LY96: variants seen among roughly 807,000 people sequenced by gnomAD.
The protein encoded by LY96 is myeloid differentiation protein-2.
Under a neutral mutation model 18.9 loss-of-function variants are expected in LY96, and 18 were observed. The ratio of observed to expected loss-of-function variants is 0.95; its 90% CI spans 0.66 to 1.41. The LOEUF is 1.41. Among genes scored for constraint, LY96 ranks in the 40% most tolerant of loss-of-function variants. LY96 has a pLI of 0.00. For synonymous variants in LY96, 66 were observed against 62.6 expected (o/e 1.06, Z -0.26); for missense variants, 175 against 182.4 (o/e 0.96, Z 0.23).
At chr8:74,091,890 A>G in the LY96 span, among the ~76,000 whole-genome samples, 2 of 151,914 alleles carry the variant, frequency 1.3e-5, no homozygotes, top group Non-Finnish European at 2.9e-5. Flanking sequence ...TCCACTTACT[A>G]TTTGTTGATT....
At chr8:74,019,428 A>G (rs1163857890) in intron 3 of LY96, among the ~76,000 whole-genome samples, 1 of 152,210 alleles carries the variant, frequency 6.6e-6, no homozygotes, top group Admixed American at 6.5e-5. Flanking sequence ...GCAATAATTA[A>G]TAGCCTACCA....
chr8:74,082,606 G>A, the LY96 span, among the ~76,000 whole-genome samples: 1 of 152,152 alleles, frequency 6.6e-6, no homozygotes, highest in African/African-American at 2.4e-5. Flanking sequence ...GTTCATAGCT[G>A]AGGCTCCTAT....
At chr8:73,996,522 A>G (rs778251929) in intron 1 of LY96, among the ~76,000 whole-genome samples, 4 of 150,806 alleles carry the variant, frequency 2.7e-5, no homozygotes, top group African/African-American at 4.9e-5. Flanking sequence ...GGTTCAAGCG[A>G]TTTTCGTGCC....
At chr8:74,082,421 C>G in the LY96 span, among the ~76,000 whole-genome samples, 1 of 152,236 alleles carries the variant, frequency 6.6e-6, no homozygotes, top group Non-Finnish European at 1.5e-5. Flanking sequence ...GCTTCCAACT[C>G]ATGGAGCCCT....
At chr8:74,058,892 A>G in the LY96 span, among the ~76,000 whole-genome samples, 1 of 152,146 alleles carries the variant, frequency 6.6e-6, no homozygotes, top group Admixed American at 6.6e-5. Context: ...TGCTGTCTGC[A>G]AGCTGGAGAC....
At chr8:73,997,260 A>G (rs1408471186) in intron 1 of LY96, among the ~76,000 whole-genome samples, 1 of 152,108 alleles carries the variant, frequency 6.6e-6, no homozygotes, top group Non-Finnish European at 1.5e-5. Flanking sequence ...CACCTATTAC[A>G]TTATTGTATT....
the LY96 span, among the ~76,000 whole-genome samples, chr8:74,095,160 G>A: frequency 2.1e-3 from 323 of 152,292 alleles, 7 homozygotes; most frequent in South Asian, 0.042. Flanking sequence ...AATGAACTGG[G>A]TCCAGGTTTC....
At chr8:74,020,817 G>C (rs1419545752) in intron 3 of LY96, among the ~76,000 whole-genome samples, 1 of 152,166 alleles carries the variant, frequency 6.6e-6, no homozygotes, top group African/African-American at 2.4e-5. Context: ...CAAGCAATGG[G>C]GAAAGGATTC....
chr8:74,097,705 CAAAT>C, the LY96 span, among the ~76,000 whole-genome samples: 7,538 of 151,224 alleles, frequency 0.05, 316 homozygotes, highest in African/African-American at 0.12. Context: ...GACTCTGTCT[CAAAT>C]AAATAAATAA....
the LY96 span, among the ~76,000 whole-genome samples, chr8:74,094,676 A>G: frequency 1.0e-3 from 154 of 152,322 alleles, 2 homozygotes; most frequent in Admixed American, 7.1e-3. Flanking sequence ...AACAAAGCAT[A>G]TGATCATCCG....
chr8:74,080,135 C>T, the LY96 span, among the ~76,000 whole-genome samples: 2 of 152,078 alleles, frequency 1.3e-5, no homozygotes, highest in African/African-American at 4.8e-5. Flanking sequence ...TGTTCAGGAC[C>T]CCTTTATGTG....
At chr8:74,049,138 A>G in the LY96 span, among the ~76,000 whole-genome samples, 15 of 152,200 alleles carry the variant, frequency 9.9e-5, no homozygotes, top group African/African-American at 3.6e-4. Flanking sequence ...TATCTCCACA[A>G]GAGCAGGAAC....
At chr8:74,006,989 T>G (rs1816425448) in intron 2 of LY96, among the ~76,000 whole-genome samples, 1 of 151,986 alleles carries the variant, frequency 6.6e-6, no homozygotes, top group African/African-American at 2.4e-5. Flanking sequence ...TAGGAGAAAA[T>G]TCAGATTGGG....
At chr8:74,040,266 A>T in the LY96 span, among the ~76,000 whole-genome samples, 1 of 152,260 alleles carries the variant, frequency 6.6e-6, no homozygotes. Flanking sequence ...TTCTTAATCT[A>T]ACTATTTTCT....
At chr8:74,075,940 T>C in the LY96 span, among the ~76,000 whole-genome samples, 1 of 152,318 alleles carries the variant, frequency 6.6e-6, no homozygotes, top group South Asian at 2.1e-4. Flanking sequence ...GGGAAGGTGC[T>C]AGACGGAGAA....
chr8:74,034,733 C>T, the LY96 span, among the ~76,000 whole-genome samples: 1 of 152,156 alleles, frequency 6.6e-6, no homozygotes, highest in South Asian at 2.1e-4. Context: ...ATTTGTTTTT[C>T]ACTGAAAATG....
the LY96 span, among the ~76,000 whole-genome samples, chr8:74,068,084 A>T: frequency 1.1e-4 from 14 of 126,366 alleles, 1 homozygote; most frequent in African/African-American, 5.2e-4. Context: ...AAAAAAAAAA[A>T]AAAAAATATA....
At chr8:74,037,882 C>T in the LY96 span, among the ~76,000 whole-genome samples, 2 of 152,176 alleles carry the variant, frequency 1.3e-5, no homozygotes, top group Non-Finnish European at 2.9e-5. Context: ...CTACCATTCC[C>T]TTCTGAGTTT....
the LY96 span, among the ~76,000 whole-genome samples, chr8:74,037,444 C>G: frequency 1.3e-5 from 2 of 151,988 alleles, no homozygotes; most frequent in Non-Finnish European, 2.9e-5. Flanking sequence ...GCCTGAGCAA[C>G]ACTGTGAGAC....
Sources: allele counts gnomAD v4.1 joint callset (sites outside exome capture counted in the v4.1 genomes callset), GRCh38; gene constraint gnomAD v4.1.1; transcripts MANE v1.5; gene names NCBI Gene and HGNC (gene_info 2026-07-23, HGNC 2026-07-21).